Variants in DNAH11 observed in about 807,000 individuals in gnomAD.
DNAH11 encodes dynein axonemal heavy chain 11.
A neutral mutation model predicts 526.0 loss-of-function variants in DNAH11; 442 were observed. That is an observed-to-expected ratio of 0.84 (90% CI 0.78 to 0.91). The LOEUF is 0.91. Ranked by LOEUF, DNAH11 falls within the 40% of genes least tolerant of loss-of-function variation. DNAH11 has a pLI of 0.00. For synonymous variants in DNAH11, 2,461 were observed against 1,935.9 expected (o/e 1.27, Z -7.12); for missense variants, 6,989 against 5,448.7 (o/e 1.28, Z -8.90).
In DNAH11 at chr7:21,868,905, A is replaced by G; in HGVS notation, c.11881A>G (p.Asn3961Asp). 6.2e-7 allele frequency: 1 copy of G among 1,614,018 alleles called. No individual in the cohort carries two copies. Among genetic ancestry groups the G allele is most frequent in the Non-Finnish European group, 8.5e-7 (1 of 1,179,880 alleles). The change falls in exon 73 of 82, where the codon AAT becomes GAT. Residue 3961 changes from asparagine to aspartate, a missense_variant. Physicochemically the swap from Asn to Asp is conservative, Grantham distance 23. Transcript: ENST00000409508. ...TACAATTGACTCTGGAAAATTCCAC[A>G]ATGTGTCTTTAGGACAAGGTCAGGA... The part of the protein sequence containing the change: ...GFTIDSGKFH[N>D]VSLGQGQETV...
At chr7:21,639,129 A>C (rs960958245) in intron 28 of DNAH11, 64 bp downstream of exon 28, 1 of 1,497,244 alleles carries the variant, frequency 6.7e-7, no homozygotes, top group African/African-American at 1.4e-5. Flanking sequence ...TAGCGTCTCT[A>C]TCATTGTCAA....
In DNAH11 at chr7:21,681,316, A is replaced by G. The variant is rs2965395; in HGVS notation, c.5329-230A>G. Among the ~76,000 whole-genome samples, 65,570 of 151,722 alleles carry G rather than the reference A, an allele frequency of 0.43. 14,582 individuals are homozygous for G. Among genetic ancestry groups the G allele is most frequent in the African/African-American group, 0.52 (21,481 of 41,334 alleles). ...GTGGTGGGCACCTGTAATCCCAACT[A>G]CTAGGGAGGCTGAGGCAGGAGAATT... On this transcript the variant is annotated intron_variant, in intron 30 of 81. Transcript: ENST00000409508.
rs773882078 is a variant in DNAH11, at chr7:21,619,081, C to G, written c.4255-19C>G. ...CATATATGTGGAATATAAAGTCTAACTTTTTTTCCCCCAATCAGGTCAAGT... is the reference window on the plus strand; with the variant it reads ...CATATATGTGGAATATAAAGTCTAAGTTTTTTTCCCCCAATCAGGTCAAGT... On this transcript the variant is annotated intron_variant, in intron 23 of 81. Transcript: ENST00000409508. 3.1e-6 allele frequency: 5 copies of G among 1,612,694 alleles called. No homozygotes were observed. Among genetic ancestry groups the G allele is most frequent in the Non-Finnish European group, 4.2e-6 (5 of 1,179,234 alleles).
In DNAH11 at chr7:21,683,932, C is replaced by T. The variant is rs868111448; in HGVS notation, c.5609C>T (p.Pro1870Leu). ...LGNSPRLVIT[P>L]LTDRCYITLT... Reference sequence around the variant, plus strand: ...AACAGCCCTCGACTAGTGATCACTCCTCTAACTGACAGGTAACAATTCAAA... The same window carrying T: ...AACAGCCCTCGACTAGTGATCACTCTTCTAACTGACAGGTAACAATTCAAA... Residue 1870 changes from proline (P) to leucine (L), a missense_variant, in exon 32 of 82, where the codon CCT (proline) becomes CTT (leucine). Pro to Leu is a moderately conservative substitution (Grantham distance 98). Coordinates refer to ENST00000409508, the MANE Select transcript of DNAH11 (RefSeq NM_001277115.2). 3.1e-6 allele frequency: 5 copies of T among 1,612,964 alleles called. No individual in the cohort carries two copies. Among genetic ancestry groups the T allele is most frequent in the African/African-American group, 1.3e-5 (1 of 74,902 alleles).
At chr7:21,674,961 A>G (rs1337000642) in intron 30 of DNAH11, among the ~76,000 whole-genome samples, 1 of 152,072 alleles carries the variant, frequency 6.6e-6, no homozygotes, top group Non-Finnish European at 1.5e-5. Context: ...CAATTCTGTC[A>G]CTGTTCTGAA....
At chr7:21,793,816 C>T (rs1453412212) in intron 61 of DNAH11, among the ~76,000 whole-genome samples, 11 of 152,110 alleles carry the variant, frequency 7.2e-5, no homozygotes. Flanking sequence ...CCACTTAGAT[C>T]TATTCATGTT....
chr7:21,635,387 A>G (rs1470647799), intron 25 of DNAH11, among the ~76,000 whole-genome samples: 1 of 152,048 alleles, frequency 6.6e-6, no homozygotes, highest in Non-Finnish European at 1.5e-5. Context: ...CAATCTCCTG[A>G]CCTCGTGATC....
At chr7:21,563,196 G>T (rs867795536) in intron 5 of DNAH11, among the ~76,000 whole-genome samples, 8 of 151,734 alleles carry the variant, frequency 5.3e-5, no homozygotes, top group Admixed American at 1.3e-4. Flanking sequence ...GCATTTTTTT[G>T]TTTGATTTTT....
chr7:21,815,950 C>G (rs1285907974), intron 63 of DNAH11, among the ~76,000 whole-genome samples: 1 of 152,018 alleles, frequency 6.6e-6, no homozygotes, highest in Non-Finnish European at 1.5e-5. Flanking sequence ...ATCCTAAGTT[C>G]CTTTGCACAA....
chr7:21,846,382 G>A (rs191835123), intron 66 of DNAH11, among the ~76,000 whole-genome samples: 63 of 152,122 alleles, frequency 4.1e-4, no homozygotes, highest in Middle Eastern at 6.8e-3. Flanking sequence ...TCTTTATCAC[G>A]TTAAGAAAGT....
chr7:21,672,746 T>G (rs762912122), intron 30 of DNAH11, among the ~76,000 whole-genome samples: 2 of 152,144 alleles, frequency 1.3e-5, no homozygotes, highest in African/African-American at 2.4e-5. Context: ...TATTTAAACC[T>G]ATAGTATTTA....
At chr7:21,596,378 G>T (rs892680348) in intron 14 of DNAH11, among the ~76,000 whole-genome samples, 2 of 152,198 alleles carry the variant, frequency 1.3e-5, no homozygotes, top group African/African-American at 4.8e-5. Flanking sequence ...GTGTCCTGAC[G>T]TGTAAGGGAG....
chr7:21,846,404 T>C (rs1782421416), intron 66 of DNAH11, among the ~76,000 whole-genome samples: 1 of 152,276 alleles, frequency 6.6e-6, no homozygotes, highest in South Asian at 2.1e-4. Flanking sequence ...CCCCTCTATT[T>C]CTAATTTGCC....
chr7:21,741,792 C>T lies in DNAH11; in HGVS notation c.7915-135C>T, dbSNP rs556564933. The T allele has an allele frequency of 8.9e-5, 88 of 990,922 alleles. No individual in the cohort carries two copies. In the South Asian group the frequency reaches 1.4e-3, roughly 16 times the overall value. 61.4% of individuals were successfully genotyped at this position (990,922 alleles called of 1,614,324 possible). A position where few individuals can be genotyped will look rare whatever the true frequency, so the allele number is the denominator to read the frequency against. ...CTTAAGTAAATCACATGGCCAACCC[C>T]AGAGTCAGAGTGGAGCACTAAAAAG... On this transcript the variant is annotated intron_variant, in intron 48 of 81. Coordinates refer to ENST00000409508, the MANE Select transcript of DNAH11 (RefSeq NM_001277115.2).
At chr7:21,553,588 T>A (rs1362505677) in intron 2 of DNAH11, among the ~76,000 whole-genome samples, 2 of 152,188 alleles carry the variant, frequency 1.3e-5, no homozygotes, top group Non-Finnish European at 2.9e-5. Flanking sequence ...TCATCAACGG[T>A]CATGAGGTGG....
chr7:21,899,302 C>T, intron 79 of DNAH11, 34 bp from the exon 80 acceptor site: 1 of 1,559,032 alleles, frequency 6.4e-7, no homozygotes, highest in South Asian at 1.1e-5. Flanking sequence ...TTTTACTGAA[C>T]AGCAAGTTTT....
chr7:21,751,516 A>C (rs1406292863), intron 54 of DNAH11, among the ~76,000 whole-genome samples: 2 of 152,210 alleles, frequency 1.3e-5, no homozygotes, highest in African/African-American at 2.4e-5. Context: ...GAATGCTGCT[A>C]GGGAAAATTC....
intron 56 of DNAH11, 145 bp downstream of exon 56, chr7:21,774,144 A>G (rs1787559742): frequency 1.3e-6 from 1 of 777,392 alleles, no homozygotes; most frequent in Admixed American, 3.0e-5. Context: ...ATACACTGCT[A>G]CTGCTTTCAA....
At chr7:21,733,494 C>T (rs576732996) in intron 45 of DNAH11, among the ~76,000 whole-genome samples, 2 of 152,330 alleles carry the variant, frequency 1.3e-5, no homozygotes, top group Admixed American at 1.3e-4. Context: ...GCCTAGAATT[C>T]AGCTACCTAC....
Sources: allele counts gnomAD v4.1 joint callset (sites outside exome capture counted in the v4.1 genomes callset), GRCh38; gene constraint gnomAD v4.1.1; transcripts MANE v1.5; gene names NCBI Gene and HGNC (gene_info 2026-07-23, HGNC 2026-07-21).